GALNTL6: variants seen among roughly 807,000 people sequenced by gnomAD.
GALNTL6 encodes the protein polypeptide N-acetylgalactosaminyltransferase-like 6.
Under a neutral mutation model 73.7 loss-of-function variants are expected in GALNTL6, and 46 were observed. The ratio of observed to expected loss-of-function variants is 0.62; its 90% CI spans 0.49 to 0.80. GALNTL6 has a LOEUF of 0.80. GALNTL6 is among the 30% of genes least tolerant of loss of function. GALNTL6 has a pLI of 0.00. For missense variants in GALNTL6, 604 were observed against 755.0 expected, an observed-to-expected ratio of 0.80 and a Z score of 2.34; for synonymous variants, 259 against 263.7, an observed-to-expected ratio of 0.98 and a Z score of 0.17.
chr4:172,200,117 C>A (rs1394421935), intron 2 of GALNTL6, among the ~76,000 whole-genome samples: 2 of 152,094 alleles, frequency 1.3e-5, no homozygotes, highest in Non-Finnish European at 1.5e-5. Context: ...TCAAAATCAT[C>A]AGTAATTTAG....
intron 2 of GALNTL6, among the ~76,000 whole-genome samples, chr4:171,966,343 G>T (rs1739380625): frequency 6.6e-6 from 1 of 152,100 alleles, no homozygotes; most frequent in Admixed American, 6.6e-5. Flanking sequence ...AATTAAGAAA[G>T]GTTTTTCTGT....
intron 5 of GALNTL6, among the ~76,000 whole-genome samples, chr4:172,783,031 G>C (rs11938551): frequency 0.48 from 72,392 of 151,470 alleles, 18,566 homozygotes; most frequent in East Asian, 0.73. Context: ...TGTCTTATTT[G>C]TAAAACACTA....
intron 2 of GALNTL6, among the ~76,000 whole-genome samples, chr4:172,077,776 A>C (rs1172795911): frequency 6.6e-6 from 1 of 152,202 alleles, no homozygotes; most frequent in Non-Finnish European, 1.5e-5. Context: ...GTCAAATGTT[A>C]ATAGCCAAGA....
chr4:172,486,644 TTTCTTTTGGAATCTGCTA>T (rs1377058233), intron 5 of GALNTL6, among the ~76,000 whole-genome samples: 1 of 152,200 alleles, frequency 6.6e-6, no homozygotes, highest in Non-Finnish European at 1.5e-5. Context: ...CAAGTGTGCA[TTTCTTTTGGAATCTGCTA>T]GACTGATTTT....
chr4:172,163,428 G>T (rs576095458), intron 2 of GALNTL6, among the ~76,000 whole-genome samples: 2 of 151,818 alleles, frequency 1.3e-5, no homozygotes, highest in Non-Finnish European at 2.9e-5. Context: ...TCATCCTACT[G>T]TGTAGATAGT....
At chr4:171,830,600 A>G (rs1416192565) in intron 2 of GALNTL6, among the ~76,000 whole-genome samples, 1 of 152,186 alleles carries the variant, frequency 6.6e-6, no homozygotes, top group African/African-American at 2.4e-5. Flanking sequence ...TGTCATACTC[A>G]TGAATTAATG....
In GALNTL6 at chr4:172,175,844, C is replaced by T. The variant is rs1029907231; in HGVS notation, c.139-53812C>T. On this transcript the variant is annotated intron_variant, in intron 2 of 12. Transcript: ENST00000506823. ...TTTATGTGCTCCTTTGCTTGTCTCACTTTCTTTCCCTCTGTGTGTGTTTCT... is the reference window on the plus strand; with the variant it reads ...TTTATGTGCTCCTTTGCTTGTCTCATTTTCTTTCCCTCTGTGTGTGTTTCT... Among the ~76,000 whole-genome samples, 4 of 152,100 alleles carry T rather than the reference C, an allele frequency of 2.6e-5. No homozygotes were observed. The East Asian group carries it at 7.7e-4, about 29-fold the overall frequency.
At chr4:171,865,440 T>C (rs1735945191) in intron 2 of GALNTL6, among the ~76,000 whole-genome samples, 1 of 152,084 alleles carries the variant, frequency 6.6e-6, no homozygotes, top group African/African-American at 2.4e-5. Context: ...GGAAGAAAAA[T>C]ATAAATTTCA....
intron 4 of GALNTL6, among the ~76,000 whole-genome samples, chr4:172,323,248 T>C (rs333387): frequency 0.99 from 150,968 of 152,266 alleles, 74,855 homozygotes; most frequent in Middle Eastern, 1. Context: ...CAAACATGCT[T>C]GCATATACTT....
At chr4:173,011,706 T>G (rs1400156512) in intron 11 of GALNTL6, among the ~76,000 whole-genome samples, 3 of 152,186 alleles carry the variant, frequency 2.0e-5, no homozygotes, top group African/African-American at 4.8e-5. Context: ...GATTTGTTTT[T>G]GGGTTCTCTA....
intron 2 of GALNTL6, among the ~76,000 whole-genome samples, chr4:172,074,337 T>C (rs1483829474): frequency 1.3e-5 from 2 of 152,166 alleles, no homozygotes; most frequent in East Asian, 3.9e-4. Context: ...GTGATTCCAT[T>C]ATCTTGTAAA....
intron 2 of GALNTL6, among the ~76,000 whole-genome samples, chr4:172,042,057 C>T (rs1742101488): frequency 6.6e-6 from 1 of 152,028 alleles, no homozygotes; most frequent in Non-Finnish European, 1.5e-5. Flanking sequence ...GGTATTCAGC[C>T]ACCTTCCAGC....
intron 5 of GALNTL6, among the ~76,000 whole-genome samples, chr4:172,711,630 C>T (rs140488504): frequency 3.4e-4 from 51 of 152,210 alleles, no homozygotes; most frequent in Non-Finnish European, 6.9e-4. Context: ...TGAGGAGGAG[C>T]AGGTTCGGAA....
chr4:172,451,903 C>T (rs1258790767), intron 5 of GALNTL6, among the ~76,000 whole-genome samples: 2 of 151,906 alleles, frequency 1.3e-5, no homozygotes, highest in Non-Finnish European at 2.9e-5. Context: ...CCTAGCTGCT[C>T]GAGAGGCTGA....
intron 3 of GALNTL6, among the ~76,000 whole-genome samples, chr4:172,285,577 C>T (rs753693361): frequency 1.4e-4 from 21 of 152,112 alleles, no homozygotes; most frequent in Non-Finnish European, 2.2e-4. Flanking sequence ...GTCTGTCAAG[C>T]GCATTGGCTT....
chr4:172,262,704 T>C (rs569979022), intron 3 of GALNTL6, among the ~76,000 whole-genome samples: 1 of 151,648 alleles, frequency 6.6e-6, no homozygotes, highest in Non-Finnish European at 1.5e-5. Flanking sequence ...TGTGTATTGT[T>C]TTATAGACCC....
At chr4:172,552,922 A>T (rs960030763) in intron 5 of GALNTL6, among the ~76,000 whole-genome samples, 7 of 149,748 alleles carry the variant, frequency 4.7e-5, no homozygotes, top group African/African-American at 1.5e-4. Context: ...ATTATTAAGT[A>T]CCTTTTCTCT....
At chr4:171,891,777 T>C (rs1029479106) in intron 2 of GALNTL6, among the ~76,000 whole-genome samples, 3 of 152,330 alleles carry the variant, frequency 2.0e-5, no homozygotes, top group Admixed American at 6.5e-5. Flanking sequence ...CTGAGTTAAA[T>C]TTGAATTTCA....
At chr4:172,162,014 G>A (rs1243669785) in intron 2 of GALNTL6, among the ~76,000 whole-genome samples, 1 of 151,994 alleles carries the variant, frequency 6.6e-6, no homozygotes, top group African/African-American at 2.4e-5. Flanking sequence ...GTTTGTTCAT[G>A]GGCACTAGGG....
Sources: gnomAD v4.1 joint callset for allele counts (sites outside exome capture counted in the v4.1 genomes callset) on GRCh38, gnomAD v4.1.1 for gene constraint, MANE v1.5 for transcripts, NCBI Gene and HGNC (gene_info 2026-07-23, HGNC 2026-07-21) for gene names.